Variants in CAMK1D observed in about 807,000 individuals in gnomAD.
CAMK1D encodes calcium/calmodulin-dependent protein kinase type 1D.
In CAMK1D, 9 loss-of-function variants were observed where a neutral mutation model predicts 47.7. The ratio of observed to expected loss-of-function variants is 0.19; its 90% CI spans 0.11 to 0.33. CAMK1D has a LOEUF of 0.33. Ranked by LOEUF, CAMK1D falls within the 10% of genes least tolerant of loss-of-function variation. The pLI, the probability that CAMK1D is intolerant of heterozygous loss-of-function variation, is 1.00. For synonymous variants in CAMK1D, 184 were observed against 184.9 expected (o/e 0.99, Z 0.04); for missense variants, 291 against 488.7 (o/e 0.60, Z 3.81).
intron 1 of CAMK1D, among the ~76,000 whole-genome samples, chr10:12,466,152 G>A (rs1023152747): frequency 5.3e-5 from 8 of 151,634 alleles, no homozygotes; most frequent in African/African-American, 1.7e-4. Context: ...ACACCGTCTC[G>A]AAAAAAAATT....
At chr10:12,358,856 G>A (rs2131837744) in intron 1 of CAMK1D, among the ~76,000 whole-genome samples, 1 of 152,292 alleles carries the variant, frequency 6.6e-6, no homozygotes, top group Non-Finnish European at 1.5e-5. Flanking sequence ...CAGCAGCTGA[G>A]GTTGGCTTCC....
chr10:12,506,501 G>A (rs1341685096), intron 1 of CAMK1D, among the ~76,000 whole-genome samples: 5 of 152,014 alleles, frequency 3.3e-5, no homozygotes, highest in African/African-American at 9.7e-5. Context: ...GGGAAGATCT[G>A]GGCTCTCTCT....
chr10:12,515,547 T>A (rs7898683), intron 1 of CAMK1D, among the ~76,000 whole-genome samples: 43,148 of 116,068 alleles, frequency 0.37, 8,997 homozygotes, highest in South Asian at 0.43. Flanking sequence ...TAGGTATATC[T>A]CCCAATGCTA....
chr10:12,403,983 GA>G (rs66525553), intron 1 of CAMK1D, among the ~76,000 whole-genome samples: 99,221 of 143,934 alleles, frequency 0.69, 34,152 homozygotes, highest in Admixed American at 0.75. Flanking sequence ...GTTGCTTTTG[GA>G]AAAAAAAAAA....
At chr10:12,717,462 C>G (rs1203876531) in intron 3 of CAMK1D, among the ~76,000 whole-genome samples, 2 of 152,098 alleles carry the variant, frequency 1.3e-5, no homozygotes, top group Non-Finnish European at 2.9e-5. Context: ...GCCTCTTACT[C>G]AAGGCCACTA....
chr10:12,793,264 A>T (rs2482037), intron 6 of CAMK1D, among the ~76,000 whole-genome samples: 1 of 151,798 alleles, frequency 6.6e-6, no homozygotes, highest in African/African-American at 2.4e-5. Context: ...CCTTCTGGTT[A>T]TTTGTTCCTT....
At chr10:12,617,168 A>C (rs959276315) in intron 2 of CAMK1D, among the ~76,000 whole-genome samples, 2 of 152,290 alleles carry the variant, frequency 1.3e-5, no homozygotes, top group African/African-American at 4.8e-5. Context: ...AAAACATTTA[A>C]GCTTTGCAGT....
chr10:12,680,235 T>C (rs575497171), intron 3 of CAMK1D, among the ~76,000 whole-genome samples: 2 of 152,152 alleles, frequency 1.3e-5, no homozygotes, highest in Non-Finnish European at 2.9e-5. Flanking sequence ...GAAATTAATT[T>C]AGGAATGTTG....
intron 1 of CAMK1D, among the ~76,000 whole-genome samples, chr10:12,350,527 C>A (rs1327449308): frequency 6.6e-6 from 1 of 151,554 alleles, no homozygotes; most frequent in Non-Finnish European, 1.5e-5. Flanking sequence ...CGCCGGGGAG[C>A]GCGTCTCCAA....
intron 2 of CAMK1D, among the ~76,000 whole-genome samples, chr10:12,563,806 A>T (rs1158481703): frequency 6.6e-6 from 1 of 152,166 alleles, no homozygotes; most frequent in Admixed American, 6.5e-5. Context: ...ATTACTCTGT[A>T]GATATTTAGA....
rs1465471839 is a variant in CAMK1D at position 12,831,003 on chromosome 10, G to A, written c.*2116G>A. The A allele has an allele frequency of 2.0e-5, 3 of 150,846 alleles. No homozygotes were observed. Among genetic ancestry groups the A allele is most frequent in the African/African-American group, 7.5e-5 (3 of 40,224 alleles). 9.3% of individuals were successfully genotyped at this position (150,846 alleles called of 1,614,324 possible). A position where few individuals can be genotyped will look rare whatever the true frequency, so the allele number is the denominator to read the frequency against. On this transcript the variant is annotated 3_prime_UTR_variant, in exon 11 of 11. Coordinates refer to ENST00000619168, the MANE Select transcript of CAMK1D (RefSeq NM_153498.4). Reference sequence around the variant, plus strand: ...ACAGCAGCTCCATCCTGCTCCCTGAGAATGGCAGTGCAGGCACAGAGAAGA... The same window carrying A: ...ACAGCAGCTCCATCCTGCTCCCTGAAAATGGCAGTGCAGGCACAGAGAAGA...
intron 2 of CAMK1D, among the ~76,000 whole-genome samples, chr10:12,649,788 A>G (rs1839910309): frequency 6.6e-6 from 1 of 152,210 alleles, no homozygotes; most frequent in Non-Finnish European, 1.5e-5. Context: ...AAATCTCGAC[A>G]TTTACACTCT....
intron 1 of CAMK1D, among the ~76,000 whole-genome samples, chr10:12,412,554 C>A (rs762579281): frequency 6.9e-6 from 1 of 145,206 alleles, no homozygotes; most frequent in Non-Finnish European, 1.5e-5. Context: ...ACCCTGGAGG[C>A]GGAGGTTGCA....
At chr10:12,449,685 A>G (rs1336428191) in intron 1 of CAMK1D, among the ~76,000 whole-genome samples, 3 of 151,898 alleles carry the variant, frequency 2.0e-5, no homozygotes, top group Admixed American at 6.6e-5. Flanking sequence ...TTTATTTGTC[A>G]GTCATACCTC....
At chr10:12,623,989 G>T (rs11818203) in intron 2 of CAMK1D, among the ~76,000 whole-genome samples, 1,634 of 152,262 alleles carry the variant, frequency 0.011, 34 homozygotes, top group African/African-American at 0.037. Flanking sequence ...TGAGGCAGGA[G>T]AATTGCTTGA....
intron 8 of CAMK1D, among the ~76,000 whole-genome samples, chr10:12,821,717 G>A (rs1263995747): frequency 1.3e-5 from 2 of 152,224 alleles, no homozygotes; most frequent in Admixed American, 6.5e-5. Flanking sequence ...GCTCATGCCT[G>A]TAATCCCAGC....
chr10:12,481,709 C>T (rs1834071087), intron 1 of CAMK1D, among the ~76,000 whole-genome samples: 1 of 152,240 alleles, frequency 6.6e-6, no homozygotes, highest in Admixed American at 6.5e-5. Context: ...GGGGTTTCAC[C>T]ATGTTGGTCA....
intron 1 of CAMK1D, among the ~76,000 whole-genome samples, chr10:12,477,221 G>T (rs7919218): frequency 6.6e-6 from 1 of 152,084 alleles, no homozygotes; most frequent in African/African-American, 2.4e-5. Context: ...TTCGAGTCCA[G>T]CCTGGCCAAC....
At chr10:12,745,119 C>T (rs1835604944) in intron 3 of CAMK1D, among the ~76,000 whole-genome samples, 1 of 152,240 alleles carries the variant, frequency 6.6e-6, no homozygotes, top group South Asian at 2.1e-4. Flanking sequence ...CAAGCTCTGC[C>T]TTCCGAGTTC....
Sources: gnomAD v4.1 joint callset for allele counts (sites outside exome capture counted in the v4.1 genomes callset) on GRCh38, gnomAD v4.1.1 for gene constraint, MANE v1.5 for transcripts, NCBI Gene and HGNC (gene_info 2026-07-23, HGNC 2026-07-21) for gene names.